The following GALNT2 variants were observed in gnomAD, a reference collection of about 807,000 sequenced individuals.
GALNT2 encodes UDP-GalNAc:polypeptide N-acetylgalactosaminyltransferase 2.
GALNT2 carries 31 observed loss-of-function variants against 81.4 expected under a neutral mutation model. The ratio of observed to expected loss-of-function variants is 0.38; its 90% confidence interval spans 0.29 to 0.51. The LOEUF (loss-of-function observed/expected upper bound fraction) is 0.51, where lower values mean the gene tolerates loss of function less well. Among genes scored for constraint, GALNT2 ranks in the 20% least tolerant of loss-of-function variants. The pLI, the probability that GALNT2 is intolerant of heterozygous loss-of-function variation, is 0.87. For missense variants in GALNT2, 629 were observed against 765.7 expected (o/e 0.82, Z 2.11); for synonymous variants, 303 against 287.4 (o/e 1.05, Z -0.55).
At chr1:230,067,982 C>T (rs1476789803) in intron 1 of GALNT2, among the ~76,000 whole-genome samples, 1 of 152,076 alleles carries the variant, frequency 6.6e-6, no homozygotes, top group Non-Finnish European at 1.5e-5. Context: ...CCCCAGGGCC[C>T]GTGCGAGCCA....
At chr1:230,186,626 A>G (rs1005607573) in intron 2 of GALNT2, among the ~76,000 whole-genome samples, 1 of 152,190 alleles carries the variant, frequency 6.6e-6, no homozygotes, top group Admixed American at 6.5e-5. Flanking sequence ...AGAGGGAGGG[A>G]AAAGCCATCT....
In GALNT2 at chr1:230,279,483, C is replaced by T; in HGVS notation, c.*25C>T. On this transcript the variant is annotated 3_prime_UTR_variant, in exon 16 of 16. Transcript: ENST00000366672. This position sits in a 1 kb window ranked among gnomAD's most constrained non-coding sequence, Gnocchi z 4.6. ...GGAGGGTCCGGGAGGCCCTGCCGTC[C>T]TGTCTCCTGCACCATTGGGTGGAGT... 6.2e-7 allele frequency: 1 copy of T among 1,609,854 alleles called. No individual in the cohort carries two copies. Among genetic ancestry groups the T allele is most frequent in the Non-Finnish European group, 8.5e-7 (1 of 1,177,520 alleles).
upstream of GALNT2, among the ~76,000 whole-genome samples, chr1:230,063,178 G>A (rs1359310713): frequency 1.3e-5 from 2 of 151,976 alleles, no homozygotes; most frequent in African/African-American, 2.4e-5. Flanking sequence ...GGGCATGGTG[G>A]TACATGCCTG....
chr1:230,244,428 A>G (rs1665301517), intron 7 of GALNT2, among the ~76,000 whole-genome samples: 1 of 152,046 alleles, frequency 6.6e-6, no homozygotes, highest in Non-Finnish European at 1.5e-5. Flanking sequence ...CTCTCTTAAC[A>G]CATGTGCATA....
chr1:230,251,273 C>T (rs148469891), intron 10 of GALNT2, among the ~76,000 whole-genome samples: 3 of 152,242 alleles, frequency 2.0e-5, no homozygotes, highest in African/African-American at 7.2e-5. Flanking sequence ...TTCTCCTGGG[C>T]TGCTGAGTGT....
At chr1:230,068,014 C>G (rs1264432747) in intron 1 of GALNT2, among the ~76,000 whole-genome samples, 1 of 152,218 alleles carries the variant, frequency 6.6e-6, no homozygotes, top group Non-Finnish European at 1.5e-5. Context: ...GCCCCTGCGC[C>G]CCGAGCGAGG....
intron 1 of GALNT2, among the ~76,000 whole-genome samples, chr1:230,155,366 C>T (rs1035063586): frequency 3.3e-5 from 5 of 152,184 alleles, no homozygotes; most frequent in African/African-American, 7.2e-5. Context: ...CGGGAGAGAC[C>T]GGCCTCTCCC....
intron 14 of GALNT2, among the ~76,000 whole-genome samples, chr1:230,267,056 C>T (rs1207846204): frequency 1.3e-5 from 2 of 152,176 alleles, no homozygotes; most frequent in Non-Finnish European, 2.9e-5. Context: ...CACAACAGCT[C>T]TCTTCTCCTG....
intron 3 of GALNT2, among the ~76,000 whole-genome samples, chr1:230,212,999 A>G (rs1365454553): frequency 6.6e-6 from 1 of 152,190 alleles, no homozygotes; most frequent in Non-Finnish European, 1.5e-5. Context: ...TCCTTTTCAA[A>G]GATCATTAGC....
chr1:230,212,979 G>A (rs1328283543), intron 3 of GALNT2, among the ~76,000 whole-genome samples: 4 of 152,150 alleles, frequency 2.6e-5, no homozygotes, highest in Admixed American at 6.5e-5. Context: ...TGAAGGGCCC[G>A]TTTCAAGTCT....
intron 6 of GALNT2, among the ~76,000 whole-genome samples, chr1:230,238,792 A>G (rs1665109054): frequency 6.6e-6 from 1 of 152,318 alleles, no homozygotes. Flanking sequence ...CATGGGAAAC[A>G]TTGGTCTGTA....
chr1:230,260,883 G>A (rs1471932045), intron 11 of GALNT2, among the ~76,000 whole-genome samples: 1 of 152,066 alleles, frequency 6.6e-6, no homozygotes, highest in Admixed American at 6.6e-5. Context: ...ATCTATTTCT[G>A]TCTCTCTCTC....
chr1:230,095,904 C>A (rs557193671), intron 1 of GALNT2, among the ~76,000 whole-genome samples: 3 of 152,354 alleles, frequency 2.0e-5, no homozygotes, highest in African/African-American at 7.2e-5. Flanking sequence ...AGGCCTCAGA[C>A]AGGTGAGAGA....
chr1:230,214,222 C>T (rs1664318969), intron 3 of GALNT2, among the ~76,000 whole-genome samples: 1 of 151,998 alleles, frequency 6.6e-6, no homozygotes, highest in Admixed American at 6.5e-5. Context: ...AAGTGATTCT[C>T]CTGCCTCAGC....
At chr1:230,104,948 T>A (rs144025964) in intron 1 of GALNT2, among the ~76,000 whole-genome samples, 3 of 152,000 alleles carry the variant, frequency 2.0e-5, no homozygotes, top group Non-Finnish European at 4.4e-5. Context: ...TGAATCAGAG[T>A]GGGGGAAAGT....
intron 1 of GALNT2, among the ~76,000 whole-genome samples, chr1:230,172,060 G>A (rs537710664): frequency 1.6e-4 from 25 of 152,244 alleles, no homozygotes; most frequent in African/African-American, 5.1e-4. Flanking sequence ...TCTCAAAACT[G>A]GAGGCTAGTC....
chr1:230,077,156 C>A (rs1659588264), intron 1 of GALNT2, among the ~76,000 whole-genome samples: 1 of 152,120 alleles, frequency 6.6e-6, no homozygotes, highest in Non-Finnish European at 1.5e-5. Context: ...AGAGGGTTGG[C>A]CCAGTGTGGG....
intron 1 of GALNT2, among the ~76,000 whole-genome samples, chr1:230,172,284 T>C (rs1307551860): frequency 6.6e-6 from 1 of 152,174 alleles, no homozygotes; most frequent in East Asian, 1.9e-4. Flanking sequence ...GCAGCCCTAC[T>C]GGATGGGCCC....
chr1:230,110,714 GT>G (rs113630188), intron 1 of GALNT2, among the ~76,000 whole-genome samples: 2,599 of 137,572 alleles, frequency 0.019, 74 homozygotes, highest in African/African-American at 0.062. Context: ...GTGCTTTTCT[GT>G]TTTTTTTTTT....
Sources: allele counts gnomAD v4.1 joint callset (sites outside exome capture counted in the v4.1 genomes callset), GRCh38; gene constraint gnomAD v4.1.1; non-coding constraint Gnocchi (gnomAD v3.1); transcripts MANE v1.5; gene names NCBI Gene and HGNC (gene_info 2026-07-23, HGNC 2026-07-21).